NAA25: variants seen among roughly 807,000 people sequenced by gnomAD.
The protein encoded by NAA25 is N-alpha-acetyltransferase 25, NatB auxiliary subunit.
Under a neutral mutation model 132.5 loss-of-function variants are expected in NAA25, and 30 were observed. That is an observed-to-expected ratio of 0.23 (90% CI 0.17 to 0.31). The LOEUF (loss-of-function observed/expected upper bound fraction) is 0.31, where lower values mean the gene tolerates loss of function less well. Among genes scored for constraint, NAA25 ranks in the 10% least tolerant of loss-of-function variants. The pLI, the probability that NAA25 is intolerant of heterozygous loss-of-function variation, is 1.00. For missense variants in NAA25, 771 were observed against 1,150.4 expected, an observed-to-expected ratio of 0.67 and a Z score of 4.77; for synonymous variants, 359 against 401.9, an observed-to-expected ratio of 0.89 and a Z score of 1.28.
At chr12:112,092,712 C>A (rs963297134) in intron 2 of NAA25, among the ~76,000 whole-genome samples, 10 of 149,160 alleles carry the variant, frequency 6.7e-5, no homozygotes, top group African/African-American at 2.5e-4. Context: ...GAGTCTCACT[C>A]TGTCACCTGG....
intron 1 of NAA25, chr12:112,097,098 C>T (rs574225421): frequency 6.6e-6 from 1 of 152,264 alleles, no homozygotes; most frequent in East Asian, 1.9e-4. Flanking sequence ...TAACTGCAGC[C>T]CACCCCAGGT....
At chr12:112,034,946 TTAATA>T (rs1415292120) in intron 22 of NAA25, 1 of 152,120 alleles carries the variant, frequency 6.6e-6, no homozygotes, top group Non-Finnish European at 1.5e-5. Context: ...TTATAGCATA[TTAATA>T]TAACAGTACA....
intron 19 of NAA25, 62 bp downstream of exon 19, chr12:112,043,026 T>C (rs2078324658): frequency 6.8e-7 from 1 of 1,475,036 alleles, no homozygotes; most frequent in Non-Finnish European, 9.1e-7. Context: ...GTTATAGACA[T>C]TTTATTACGT....
chr12:112,042,448 T>C (rs2078313581), intron 19 of NAA25: 1 of 154,844 alleles, frequency 6.5e-6, no homozygotes, highest in Non-Finnish European at 1.4e-5. Context: ...GTATTTGTGA[T>C]TTTCACTAGG....
chr12:112,050,647 T>C (rs1198962151), intron 15 of NAA25, among the ~76,000 whole-genome samples: 1 of 152,014 alleles, frequency 6.6e-6, no homozygotes, highest in Non-Finnish European at 1.5e-5. Flanking sequence ...GCCTCCCAAG[T>C]AGCTGGAATT....
intron 22 of NAA25, chr12:112,034,923 TTCA>T (rs1285956405): frequency 3.3e-5 from 5 of 151,910 alleles, no homozygotes; most frequent in Admixed American, 2.0e-4. Flanking sequence ...GAACCAACAA[TTCA>T]TCAATATAAT....
At chr12:112,066,154 T>G (rs2078715402) in intron 11 of NAA25, among the ~76,000 whole-genome samples, 2 of 152,198 alleles carry the variant, frequency 1.3e-5, no homozygotes, top group Non-Finnish European at 1.5e-5. Flanking sequence ...GAAGTAGAGC[T>G]GTACAGAAAA....
rs2078760831 is a variant in NAA25 at position 112,068,919 on chromosome 12, C to T, written c.1110G>A (p.Lys370=). 3 of 1,613,476 alleles carry T rather than the reference C, an allele frequency of 1.9e-6. No homozygotes were observed. Among genetic ancestry groups the T allele is most frequent in the Non-Finnish European group, 2.5e-6 (3 of 1,179,566 alleles). ...GDKPCCFTDL[K]VFVDLLPATQ... ...TAGCAGGTAAGAGGTCAACAAACACCTTAAGGTCTGTAAAACAACAAGGTT... is the reference window on the plus strand; with the variant it reads ...TAGCAGGTAAGAGGTCAACAAACACTTTAAGGTCTGTAAAACAACAAGGTT... The change falls in exon 11 of 24, where the codon AAG becomes AAA. Residue 370 remains lysine, a synonymous_variant. Transcript: ENST00000261745.
intron 23 of NAA25, among the ~76,000 whole-genome samples, chr12:112,032,750 T>C (rs1470239214): frequency 6.6e-6 from 1 of 152,196 alleles, no homozygotes; most frequent in Non-Finnish European, 1.5e-5. Flanking sequence ...CAGAAGACAT[T>C]TGATGGTGGT....
chr12:112,062,327 G>A (rs2078643491), intron 11 of NAA25, among the ~76,000 whole-genome samples: 1 of 151,872 alleles, frequency 6.6e-6, no homozygotes, highest in Non-Finnish European at 1.5e-5. Flanking sequence ...CTTGAACCTG[G>A]GAGGCAGAGG....
chr12:112,064,114 T>C (rs1230217482), intron 11 of NAA25: 1 of 152,234 alleles, frequency 6.6e-6, no homozygotes, highest in Non-Finnish European at 1.5e-5. Flanking sequence ...CAGTTTAACA[T>C]CTGTAATGAA....
At chr12:112,069,387 C>T (rs1028470799) in intron 10 of NAA25, among the ~76,000 whole-genome samples, 1 of 151,978 alleles carries the variant, frequency 6.6e-6, no homozygotes, top group Admixed American at 6.6e-5. Context: ...GCTTGTAATC[C>T]CAACTGCTTG....
At chr12:112,091,209 A>C (rs893875611) in intron 2 of NAA25, among the ~76,000 whole-genome samples, 19 of 150,762 alleles carry the variant, frequency 1.3e-4, no homozygotes, top group African/African-American at 4.6e-4. Flanking sequence ...ACGTCACAGC[A>C]CTCCAGCGTG....
In NAA25 at chr12:112,040,512, G is replaced by A. The variant is rs78983078; in HGVS notation, c.2507C>T (p.Thr836Ile). The A allele has an allele frequency of 8.1e-3, 13,040 of 1,602,562 alleles. 88 individuals are homozygous for A. The highest frequency in any genetic ancestry group is 8.8e-3 in the Non-Finnish European group (10,363 of 1,171,778). The change falls in exon 21 of 24, where the codon ACT becomes ATT. Residue 836 changes from threonine to isoleucine, a missense_variant. Thr to Ile is a moderately conservative substitution (Grantham distance 89). This residue lies in a region of NAA25 where 324 missense variants were observed against 400.0 expected (regional missense o/e 0.81). Transcript: ENST00000261745. ...AAAGAAAACTAGATTTTCTAAAAGAGTAGGATGTGTTTTCAAGTTACCATC... is the reference window on the plus strand; with the variant it reads ...AAAGAAAACTAGATTTTCTAAAAGAATAGGATGTGTTTTCAAGTTACCATC... The part of the protein sequence containing the change: ...VKDGNLKTHP[T>I]LLENLVFFVE...
chr12:112,106,028 A>C (rs906677768), intron 1 of NAA25, among the ~76,000 whole-genome samples: 1 of 152,232 alleles, frequency 6.6e-6, no homozygotes, highest in Non-Finnish European at 1.5e-5. Context: ...GTATTTAAAC[A>C]ACAAAAGTGT....
chr12:112,093,899 T>A (rs78774459), intron 1 of NAA25, among the ~76,000 whole-genome samples: 3 of 151,836 alleles, frequency 2.0e-5, no homozygotes, highest in Non-Finnish European at 4.4e-5. Context: ...CTTTTTTTTT[T>A]AATTTAAAAA....
At chr12:112,039,491 T>C in intron 21 of NAA25, 152 bp from the exon 22 acceptor site, 2 of 550,666 alleles carry the variant, frequency 3.6e-6, no homozygotes, top group East Asian at 6.2e-5. Context: ...CTTTCTGCAA[T>C]CACTCTACTG....
rs767770335 is a variant in NAA25, at chr12:112,040,578, T to C, written c.2441A>G (p.Asp814Gly). Residue 814 changes from aspartate (D) to glycine (G), a missense_variant and splice_region_variant, in exon 21 of 24, where the codon GAT (aspartate) becomes GGT (glycine). Asp to Gly is a moderately conservative substitution (Grantham distance 94). Transcript: ENST00000261745. ...GTCACCTTTACATTTACTGAAGACA[T>C]CTGAAAACAAAAAACATTTTAGTTT... ...SFKSLLDQLK[D>G]VFSKCKGDLL... 3 of 1,550,676 alleles carry C rather than the reference T, an allele frequency of 1.9e-6. No homozygotes were observed. The highest frequency in any genetic ancestry group is 1.4e-5 in the African/African-American group (1 of 72,722).
chr12:112,040,462 G>GAA lies in NAA25; in HGVS notation c.2538+17_2538+18dup, dbSNP rs1565998635. 2 of 1,425,900 alleles carry GAA rather than the reference G, an allele frequency of 1.4e-6. No homozygotes were observed. Among genetic ancestry groups the GAA allele is most frequent in the Admixed American group, 3.5e-5 (2 of 56,894 alleles). The allele number at this position is 1,425,900 out of a possible 1,614,324, so 88.3% of individuals were successfully genotyped here. On this transcript the variant is annotated intron_variant, in intron 21 of 23. Transcript: ENST00000261745. ...CATTAAGAACAACAATGTCTTTTAG[G>GAA]AAGAGAACAAAAACTTACCTCAACA...
Sources: allele counts gnomAD v4.1 joint callset (sites outside exome capture counted in the v4.1 genomes callset), GRCh38; gene constraint gnomAD v4.1.1; regional missense constraint gnomAD v4.1.1; transcripts MANE v1.5; gene names NCBI Gene and HGNC (gene_info 2026-07-23, HGNC 2026-07-21).